Variants in RARS2 observed in about 807,000 individuals in gnomAD.
The protein encoded by RARS2 is arginyl-tRNA synthetase 2, mitochondrial, also known as probable arginine--tRNA ligase, mitochondrial.
In RARS2, 67 loss-of-function variants were observed where a neutral mutation model predicts 88.5. The observed-to-expected ratio is 0.76, with a 90% CI of 0.62 to 0.93. The LOEUF is 0.93. Ranked by LOEUF, RARS2 falls within the 40% of genes least tolerant of loss-of-function variation. RARS2 has a pLI of 0.00. For missense variants in RARS2, 664 were observed against 684.2 expected, an observed-to-expected ratio of 0.97 and a Z score of 0.33; for synonymous variants, 239 against 230.3, an observed-to-expected ratio of 1.04 and a Z score of -0.34.
At chr6:87,516,693 TA>T in intron 18 of RARS2, 112 bp downstream of exon 18, 1 of 1,439,322 alleles carries the variant, frequency 6.9e-7, no homozygotes. Context: ...ATAATTCCTG[TA>T]ACTAAAAGCA....
At chr6:87,544,784 C>A (rs1782101791) in intron 7 of RARS2, among the ~76,000 whole-genome samples, 1 of 133,704 alleles carries the variant, frequency 7.5e-6, no homozygotes, top group Admixed American at 8.1e-5. Flanking sequence ...GGATCGCACT[C>A]CTCTCTTTTT....
Position 87,514,961 on chromosome 6 carries a change from G to C in RARS2, c.1646C>G (p.Ala549Gly). The stretch of plus-strand genomic sequence containing the variant: ...AAAACATTCAACATAACGTACCCCA[G>C]CCACTTCAGGAGGACTATCTTTTAT... ...LQIKDSPPEV[A>G]GARLHLFKAV... Residue 549 changes from alanine to glycine, a missense_variant, in exon 19 of 20, where the codon GCT (alanine) becomes GGT (glycine). By Grantham distance (60) the Ala-to-Gly change is moderately conservative. Coordinates refer to ENST00000369536, the MANE Select transcript of RARS2 (RefSeq NM_020320.5). The C allele has an allele frequency of 6.2e-7, 1 of 1,610,248 alleles. No individual in the cohort carries two copies. Among genetic ancestry groups the C allele is most frequent in the Non-Finnish European group, 8.5e-7 (1 of 1,176,508 alleles).
chr6:87,554,087 T>C, intron 5 of RARS2, among the ~76,000 whole-genome samples: 1 of 152,176 alleles, frequency 6.6e-6, no homozygotes, highest in East Asian at 1.9e-4. Flanking sequence ...CCCATATCAA[T>C]TTTTAAAAAT....
At chr6:87,557,644 C>T (rs904855387) in intron 4 of RARS2, among the ~76,000 whole-genome samples, 2 of 152,212 alleles carry the variant, frequency 1.3e-5, no homozygotes, top group African/African-American at 2.4e-5. Context: ...CTAATTCCTT[C>T]CCTCCTTCCT....
chr6:87,524,676 TG>T, intron 10 of RARS2, 24 bp from the exon 11 acceptor site: 1 of 1,495,958 alleles, frequency 6.7e-7, no homozygotes, highest in Non-Finnish European at 9.3e-7. Context: ...AAGGTAACTC[TG>T]AAGCAACATA....
In RARS2 at chr6:87,516,803, T is replaced by A. The variant is rs1771896102; in HGVS notation, c.1586+3A>T. 1 of 1,613,344 alleles carries A rather than the reference T, an allele frequency of 6.2e-7. No individual in the cohort carries two copies. Among genetic ancestry groups the A allele is most frequent in the Non-Finnish European group, 8.5e-7 (1 of 1,179,622 alleles). ...ACCTGAAAACAGGAAGATTATAAAGTACCTTAAAGTTAGAAGGTAACTGAC... is the reference window on the plus strand; with the variant it reads ...ACCTGAAAACAGGAAGATTATAAAGAACCTTAAAGTTAGAAGGTAACTGAC... On this transcript the variant is annotated splice_donor_region_variant and intron_variant, in intron 18 of 19. Transcript: ENST00000369536.
At chr6:87,539,040 A>C (rs557449800) in intron 8 of RARS2, among the ~76,000 whole-genome samples, 3,995 of 151,890 alleles carry the variant, frequency 0.026, 85 homozygotes, top group Non-Finnish European at 0.043. Context: ...TCTCACATAA[A>C]TAAATAAATA....
chr6:87,525,704 G>A (rs1348880813), intron 10 of RARS2, among the ~76,000 whole-genome samples: 6 of 151,954 alleles, frequency 3.9e-5, no homozygotes, highest in East Asian at 1.9e-4. Context: ...GCGCCACCAC[G>A]TCCAGTTAAT....
In RARS2 at chr6:87,548,606, G is replaced by T. The variant is rs768479877; in HGVS notation, c.436C>A (p.Arg146Ser). ...VAKKFHVGHL[R>S]STIIGNFIAN... The stretch of plus-strand genomic sequence containing the variant: ...AAACACTTACCTATGATGGTAGAAC[G>T]CAAATGTCCAACATGAAATTTTTTG... Residue 146 changes from arginine to serine, a missense_variant, in exon 6 of 20, where the codon CGT becomes AGT. Transcript: ENST00000369536. 6.2e-6 allele frequency: 10 copies of T among 1,612,662 alleles called. No individual in the cohort carries two copies. In the African/African-American group the frequency reaches 1.1e-4, roughly 17 times the overall value.
At chr6:87,528,895 C>T (rs1033241738) in intron 10 of RARS2, among the ~76,000 whole-genome samples, 1 of 152,078 alleles carries the variant, frequency 6.6e-6, no homozygotes. Context: ...TAGGTAAGTA[C>T]GTAAGGTGAT....
intron 8 of RARS2, among the ~76,000 whole-genome samples, chr6:87,534,800 G>A (rs560421918): frequency 6.6e-6 from 1 of 152,212 alleles, no homozygotes; most frequent in South Asian, 2.1e-4. Flanking sequence ...CTGGGGTGGT[G>A]CAGGCCCACA....
chr6:87,541,907 T>C lies in RARS2; in HGVS notation c.612+11A>G, dbSNP rs762007297. On this transcript the variant is annotated intron_variant, in intron 8 of 19. Coordinates refer to ENST00000369536, the MANE Select transcript of RARS2 (RefSeq NM_020320.5). Reference sequence around the variant, plus strand: ...CTGAAAAATTTTTGAAATGTTTTCTTGCCAACTTACTTCAAAGAGATGCTG... The same window carrying C: ...CTGAAAAATTTTTGAAATGTTTTCTCGCCAACTTACTTCAAAGAGATGCTG... 4 of 1,606,688 alleles carry C rather than the reference T, an allele frequency of 2.5e-6. No individual in the cohort carries two copies. The highest frequency in any genetic ancestry group is 1.7e-5 in the Admixed American group (1 of 59,988).
At chr6:87,559,223 A>T (rs1787003070) in intron 4 of RARS2, among the ~76,000 whole-genome samples, 1 of 152,140 alleles carries the variant, frequency 6.6e-6, no homozygotes, top group South Asian at 2.1e-4. Context: ...AAAAGTTTAA[A>T]AAATGAAAAG....
intron 4 of RARS2, among the ~76,000 whole-genome samples, chr6:87,561,527 C>G (rs1188403196): frequency 6.6e-6 from 1 of 152,236 alleles, no homozygotes; most frequent in South Asian, 2.1e-4. Context: ...CCCAAGTAAA[C>G]TCTCTACTTA....
intron 5 of RARS2, among the ~76,000 whole-genome samples, chr6:87,549,153 T>C (rs1363994491): frequency 6.6e-6 from 1 of 151,860 alleles, no homozygotes; most frequent in Admixed American, 6.6e-5. Flanking sequence ...CCAGGAGTTC[T>C]AGACCATCCT....
chr6:87,519,206 G>GTATATATATA (rs1351648306), intron 14 of RARS2: 2 of 272,162 alleles, frequency 7.3e-6, no homozygotes, highest in African/African-American at 5.0e-5. Flanking sequence ...GTGTGTGTGT[G>GTATATATATA]TGTATATATA....
In RARS2 at chr6:87,550,217, T is replaced by C. The variant is rs149757911; in HGVS notation, c.396-1571A>G. ...CAAAAGAAGATTGGATTTACTCTTC[T>C]GCCTTTAAATAATCAGAAAGCCAGA... is the stretch of plus-strand genomic sequence containing the variant. On this transcript the variant is annotated intron_variant, in intron 5 of 19. Transcript: ENST00000369536. 5.2e-3 allele frequency among the ~76,000 whole-genome samples: 788 copies of C among 152,328 alleles called. 24 individuals carry two copies. The highest frequency in any genetic ancestry group is 0.047 in the Admixed American group (720 of 15,306).
chr6:87,551,896 T>C (rs1300148840), intron 5 of RARS2, among the ~76,000 whole-genome samples: 1 of 152,142 alleles, frequency 6.6e-6, no homozygotes, highest in African/African-American at 2.4e-5. Flanking sequence ...ACAGAGCTGA[T>C]TTGTACAAAA....
chr6:87,536,153 C>T (rs1249317084), intron 8 of RARS2, among the ~76,000 whole-genome samples: 1 of 104,594 alleles, frequency 9.6e-6, no homozygotes, highest in Non-Finnish European at 1.9e-5. Context: ...TTAATAAAAC[C>T]TTCTATAGCA....
Sources: allele counts gnomAD v4.1 joint callset (sites outside exome capture counted in the v4.1 genomes callset), GRCh38; gene constraint gnomAD v4.1.1; transcripts MANE v1.5; gene names NCBI Gene and HGNC (gene_info 2026-07-23, HGNC 2026-07-21).